The following IQSEC2 variants were observed in gnomAD, a reference collection of about 807,000 sequenced individuals.
The protein encoded by IQSEC2 is IQ motif and Sec7 domain ArfGEF 2, also known as IQ motif and SEC7 domain-containing protein 2.
A neutral mutation model predicts 74.6 loss-of-function variants in IQSEC2; 6 were observed. The observed-to-expected ratio is 0.08, with a 90% confidence interval of 0.04 to 0.16. IQSEC2 has a LOEUF of 0.16. Among genes scored for constraint, IQSEC2 ranks in the 10% least tolerant of loss-of-function variants. The pLI is 1.00. For synonymous variants in IQSEC2, 494 were observed against 544.5 expected (o/e 0.91, Z 1.29); for missense variants, 734 against 1,306.2 (o/e 0.56, Z 6.75).
rs186461501 is a variant in IQSEC2 at position 53,287,507 on chromosome X, C to T, written c.737+4388G>A. Among the ~76,000 whole-genome samples, 934 of 112,969 alleles carry T rather than the reference C, an allele frequency of 8.3e-3. 6 individuals carry two copies. Among genetic ancestry groups the T allele is most frequent in the Non-Finnish European group, 0.014 (758 of 53,346 alleles). On this transcript the variant is annotated intron_variant, in intron 2 of 14. Coordinates refer to ENST00000642864, the MANE Select transcript of IQSEC2 (RefSeq NM_001111125.3). ...AGACCCCCTGACATGCAGGGCCACG[C>T]GCCAGCATGCAGTGTTGCACTTTGC...
intron 6 of IQSEC2, 59 bp from the exon 7 acceptor site, chrX:53,248,295 C>T: frequency 2.5e-6 from 3 of 1,182,279 alleles, no homozygotes; most frequent in Non-Finnish European, 3.4e-6. Flanking sequence ...ACCTCTGACC[C>T]ACCTGGACCT....
At chrX:53,259,624 G>T (rs1193138347) in intron 2 of IQSEC2, among the ~76,000 whole-genome samples, 1 of 110,307 alleles carries the variant, frequency 9.1e-6, no homozygotes, top group Non-Finnish European at 1.9e-5. Context: ...AACATAGGGA[G>T]ACCCCGTCTC....
At position 53,251,182 on chromosome X, in the gene IQSEC2, AG is replaced by A. The variant is rs781861463; in HGVS notation, c.1402-9del. ...TTCAGCCAGAGACTTTACCTGTGCA[AG>A]GGGGGGAGGAGAGGAGGGAAAGGGA... On this transcript the variant is annotated splice_polypyrimidine_tract_variant and intron_variant, in intron 4 of 14. Transcript: ENST00000642864. The A allele has an allele frequency of 8.3e-7, 1 of 1,205,150 alleles. No homozygotes were observed. The highest frequency in any genetic ancestry group is 1.1e-6 in the Non-Finnish European group (1 of 891,618).
chrX:53,284,640 C>T (rs1045881611), intron 2 of IQSEC2, among the ~76,000 whole-genome samples: 1 of 111,368 alleles, frequency 9.0e-6, no homozygotes, highest in East Asian at 2.8e-4. Flanking sequence ...TTTTCTCAGC[C>T]GGCTTCTCTC....
intron 2 of IQSEC2, among the ~76,000 whole-genome samples, chrX:53,283,982 C>T (rs782792942): frequency 2.7e-5 from 3 of 111,315 alleles, no homozygotes; most frequent in South Asian, 3.8e-4. Context: ...AAGAGACTGA[C>T]GTGGCGGGGT....
intron 1 of IQSEC2, among the ~76,000 whole-genome samples, chrX:53,318,051 G>A (rs1556879504): frequency 2.7e-5 from 3 of 111,942 alleles, no homozygotes; most frequent in Non-Finnish European, 3.8e-5. Context: ...AGAGACTCCT[G>A]TGGGTTGGAG....
intron 1 of IQSEC2, among the ~76,000 whole-genome samples, chrX:53,293,868 TG>T (rs1235028280): frequency 8.9e-6 from 1 of 112,062 alleles, no homozygotes; most frequent in Non-Finnish European, 1.9e-5. Flanking sequence ...AGCCTCTTTT[TG>T]TACATTATCT....
rs782609666 is a variant in IQSEC2 at position 53,255,976 on chromosome X, G to T, written c.823C>A (p.Pro275Thr). ...SQPPYRLSQL[P>T]PSSSHMGGPP... ...CCCCCCATGTGGCTGCTGGAGGGGG[G>T]CAGCTGGCTCAGCCGGTAGGGGGGT... is the stretch of plus-strand genomic sequence containing the variant. Residue 275 changes from proline to threonine, a missense_variant, in exon 3 of 15, where the codon CCC (proline) becomes ACC (threonine). By Grantham distance (38) the Pro-to-Thr change is conservative. Coordinates refer to ENST00000642864, the MANE Select transcript of IQSEC2 (RefSeq NM_001111125.3). 4 of 1,191,571 alleles carry T rather than the reference G, an allele frequency of 3.4e-6. No homozygotes were observed. The South Asian group carries it at 7.3e-5, about 22-fold the overall frequency.
intron 1 of IQSEC2, among the ~76,000 whole-genome samples, chrX:53,306,116 G>A (rs1556876573): frequency 1.8e-5 from 2 of 112,211 alleles, no homozygotes; most frequent in Admixed American, 1.9e-4. Flanking sequence ...GCGGAAGGGG[G>A]AGCAGCTAGC....
rs1556862635 is a variant in IQSEC2 at position 53,248,876 on chromosome X, T to C, written c.2304A>G (p.Pro768=). The C allele has an allele frequency of 1.2e-5, 15 of 1,207,198 alleles. No individual in the cohort carries two copies. Among genetic ancestry groups the C allele is most frequent in the Non-Finnish European group, 1.7e-5 (15 of 893,639 alleles). The change falls in exon 6 of 15, where the codon CCA becomes CCG. Residue 768 remains proline, a synonymous_variant. Transcript: ENST00000642864. Reference sequence around the variant, plus strand: ...CGATCAGATACTGGATACCCTTCTCTGGCTTCCTGCAGAAAGAGGAGAGGT... The same window carrying C: ...CGATCAGATACTGGATACCCTTCTCCGGCTTCCTGCAGAAAGAGGAGAGGT... ...RIGLNLFNKK[P]EKGIQYLIER...
At chrX:53,278,900 G>A (rs781833542) in intron 2 of IQSEC2, among the ~76,000 whole-genome samples, 2 of 112,316 alleles carry the variant, frequency 1.8e-5, no homozygotes, top group Non-Finnish European at 3.8e-5. Context: ...TTTTCCAGCC[G>A]GGTGTGGTGG....
intron 2 of IQSEC2, among the ~76,000 whole-genome samples, chrX:53,291,079 T>C (rs1417154456): frequency 8.9e-6 from 1 of 111,801 alleles, no homozygotes; most frequent in African/African-American, 3.3e-5. Flanking sequence ...CAGTGGCCTA[T>C]CCCATAGCCC....
chrX:53,293,029 A>T (rs1463857579), intron 1 of IQSEC2, among the ~76,000 whole-genome samples: 1 of 112,198 alleles, frequency 8.9e-6, no homozygotes, highest in Non-Finnish European at 1.9e-5. Flanking sequence ...CAGCTGAGAG[A>T]GCCAAGACGT....
chrX:53,239,481 C>G, intron 10 of IQSEC2, 187 bp from the exon 11 acceptor site: 1 of 417,278 alleles, frequency 2.4e-6, no homozygotes, highest in Non-Finnish European at 4.2e-6. Flanking sequence ...GAAGAAAACG[C>G]AAGTTCCTGA....
intron 2 of IQSEC2, among the ~76,000 whole-genome samples, chrX:53,274,606 C>T (rs1463796694): frequency 1.9e-5 from 2 of 107,284 alleles, no homozygotes; most frequent in Non-Finnish European, 3.8e-5. Flanking sequence ...GGACTACACG[C>T]GCCCGCCACC....
In IQSEC2 at chrX:53,234,559, T is replaced by TG; in HGVS notation, c.4126dup (p.Gln1376ProfsTer11). ...GCCCTGTTTGTGGGCTGGAGGGTGC[T>TG]GGGGGGCAGGACTGTACAGGGGCAG... On this transcript the variant is annotated frameshift_variant, in exon 15 of 15. Coordinates refer to ENST00000642864, the MANE Select transcript of IQSEC2 (RefSeq NM_001111125.3). LOFTEE classifies it high-confidence loss of function. The TG allele has an allele frequency of 9.1e-7, 1 of 1,095,176 alleles. No homozygotes were observed. 90.3% of individuals were successfully genotyped at this position (1,095,176 alleles called of 1,213,427 possible). A position where few individuals can be genotyped will look rare whatever the true frequency, so the allele number is the denominator to read the frequency against.
Position 53,321,097 on chromosome X carries a change from G to A in IQSEC2, c.27C>T (p.Gly9=), listed in dbSNP as rs1556880343. 2 of 1,149,291 alleles carry A rather than the reference G, an allele frequency of 1.7e-6. No homozygotes were observed. The highest frequency in any genetic ancestry group is 2.3e-6 in the Non-Finnish European group (2 of 867,837). The allele number at this position is 1,149,291 out of a possible 1,213,427, so 94.7% of individuals were successfully genotyped here. The change falls in exon 1 of 15, where the codon GGC becomes GGT. Residue 9 remains glycine (G), a synonymous_variant. Transcript: ENST00000642864. MEAGSGPP[G]GPGSESPNRA... ...GATTTGGGCTCTCGGATCCCGGGCC[G>A]CCCGGGGGCCCCGACCCCGCCTCCA...
intron 2 of IQSEC2, among the ~76,000 whole-genome samples, chrX:53,289,536 G>C (rs782751430): frequency 7.2e-5 from 8 of 111,340 alleles, no homozygotes; most frequent in African/African-American, 2.6e-4. Flanking sequence ...CTGCACGGCA[G>C]TCCCCGACAG....
Position 53,234,267 on chromosome X carries a change from G to T in IQSEC2, c.4419C>A (p.Pro1473=), listed in dbSNP as rs1354953265. The T allele has an allele frequency of 8.5e-6, 9 of 1,058,746 alleles. No individual in the cohort carries two copies. In the African/African-American group the frequency reaches 1.9e-4, roughly 22 times the overall value. 87.3% of individuals were successfully genotyped at this position (1,058,746 alleles called of 1,213,427 possible). A position where few individuals can be genotyped will look rare whatever the true frequency, so the allele number is the denominator to read the frequency against. ...TTGGCTTGGCCTTGGGGTTTGCACT[G>T]GGGGGGTTGGCTGTGCCAGGGGGCC... ...ASGPPGTANP[P]SANPKAKPSR... Residue 1473 remains proline (P), a synonymous_variant, in exon 15 of 15, where the codon CCC becomes CCA. Transcript: ENST00000642864.
Sources: allele counts gnomAD v4.1 joint callset (sites outside exome capture counted in the v4.1 genomes callset), GRCh38; gene constraint gnomAD v4.1.1; transcripts MANE v1.5; gene names NCBI Gene and HGNC (gene_info 2026-07-23, HGNC 2026-07-21).